Variants in ZNF8 observed in about 807,000 individuals in gnomAD.
ZNF8 encodes the protein zinc finger protein 272.
A neutral mutation model predicts 12.2 loss-of-function variants in ZNF8; 9 were observed. That is an observed-to-expected ratio of 0.73 (90% CI 0.44 to 1.28). ZNF8 has a LOEUF of 1.28. Among genes scored for constraint, ZNF8 ranks in the 50% most tolerant of loss-of-function variants. The pLI, the probability that ZNF8 is intolerant of heterozygous loss-of-function variation, is 0.00. For missense variants in ZNF8, 664 were observed against 729.1 expected (o/e 0.91, Z 1.03); for synonymous variants, 274 against 282.3 (o/e 0.97, Z 0.30).
At chr19:58,293,669 C>T (rs1207131244) in intron 3 of ZNF8, among the ~76,000 whole-genome samples, 5 of 152,166 alleles carry the variant, frequency 3.3e-5, no homozygotes, top group Admixed American at 2.6e-4. Context: ...TCTGAAGATG[C>T]TGTGCTCAGC....
intron 3 of ZNF8, among the ~76,000 whole-genome samples, chr19:58,290,627 G>T (rs1410120891): frequency 6.6e-6 from 1 of 152,152 alleles, no homozygotes; most frequent in African/African-American, 2.4e-5. Flanking sequence ...TGGCATGGTG[G>T]TGTGTTCTTG....
In ZNF8 at chr19:58,295,485, A is replaced by G; in HGVS notation, c.1677A>G (p.Glu559=). 2 of 1,611,534 alleles carry G rather than the reference A, an allele frequency of 1.2e-6. No individual in the cohort carries two copies. Among genetic ancestry groups the G allele is most frequent in the Non-Finnish European group, 1.7e-6 (2 of 1,178,796 alleles). The change falls in exon 4 of 4, where the codon GAA becomes GAG. Residue 559 remains glutamate (E), a synonymous_variant. Coordinates refer to ENST00000621650, the MANE Select transcript of ZNF8 (RefSeq NM_021089.3). The part of the protein sequence containing the change: ...EKNPVHVIGV[E]EPSVGASMLF... ...ACCCTGTGCACGTTATTGGGGTGGA[A>G]GAGCCTTCTGTGGGTGCTTCCATGT...
rs576638345 is a variant in ZNF8 at position 58,279,817 on chromosome 19, C to T, written c.66+670C>T. ...GCGGCCTGTGTTCTCCATAAAGCTG[C>T]CTCGCGTGGCAGGAAACAACAATAA... On this transcript the variant is annotated intron_variant, in intron 1 of 3. Transcript: ENST00000621650. 33 of 1,422,714 alleles carry T rather than the reference C, an allele frequency of 2.3e-5. No individual in the cohort carries two copies. In the East Asian group the frequency reaches 1.0e-3, roughly 44 times the overall value. The allele number at this position is 1,422,714 out of a possible 1,614,324, so 88.1% of individuals were successfully genotyped here.
chr19:58,290,270 C>G (rs1275517955), intron 3 of ZNF8, among the ~76,000 whole-genome samples: 1 of 149,820 alleles, frequency 6.7e-6, no homozygotes, highest in Non-Finnish European at 1.5e-5. Context: ...GCCACTGCAC[C>G]CGGCTAATTT....
At position 58,301,682 on chromosome 19, in the gene ZNF8, T is replaced by A. The variant is rs1284480276; in HGVS notation, c.*6146T>A. 6.6e-6 allele frequency: 1 copy of A among 152,274 alleles called. No individual in the cohort carries two copies. Among genetic ancestry groups the A allele is most frequent in the Non-Finnish European group, 1.5e-5 (1 of 68,122 alleles). The allele number at this position is 152,274 out of a possible 1,614,324, so 9.4% of individuals were successfully genotyped here. ...CAGTTGATACTTCTCTGAGGGGGCA[T>A]GGGGTTGGCTGAGGTTATAGCAGCC... On this transcript the variant is annotated 3_prime_UTR_variant, in exon 4 of 4. Transcript: ENST00000621650.
In ZNF8 at chr19:58,302,233, T is replaced by C. The variant is rs796137423; in HGVS notation, c.*6697T>C. ...TTAACTAGGGAAAAGACATGTTTTTTTCTGTTCATAAAAGTAATGCGAGTT... is the reference window on the plus strand; with the variant it reads ...TTAACTAGGGAAAAGACATGTTTTTCTCTGTTCATAAAAGTAATGCGAGTT... On this transcript the variant is annotated 3_prime_UTR_variant, in exon 4 of 4. Coordinates refer to ENST00000621650, the MANE Select transcript of ZNF8 (RefSeq NM_021089.3). The C allele has an allele frequency of 1.3e-5, 2 of 152,354 alleles. No homozygotes were observed. The highest frequency in any genetic ancestry group is 4.8e-5 in the African/African-American group (2 of 41,582). 9.4% of individuals were successfully genotyped at this position (152,354 alleles called of 1,614,324 possible).
In ZNF8 at chr19:58,295,252, C is replaced by A. The variant is rs767536958; in HGVS notation, c.1444C>A (p.Leu482Ile). The stretch of plus-strand genomic sequence containing the variant: ...GAAGTGTTTCATTCAGAGCTCTCAC[C>A]TCATCCGGCACCAGATAACTCACAC... The part of the protein sequence containing the change: ...CGKCFIQSSH[L>I]IRHQITHTRE... The change falls in exon 4 of 4, where the codon CTC (leucine) becomes ATC (isoleucine). Residue 482 changes from leucine to isoleucine, a missense_variant. Coordinates refer to ENST00000621650, the MANE Select transcript of ZNF8 (RefSeq NM_021089.3). 1.2e-6 allele frequency: 2 copies of A among 1,614,218 alleles called. No individual in the cohort carries two copies. Among genetic ancestry groups the A allele is most frequent in the East Asian group, 2.2e-5 (1 of 44,886 alleles).
intron 3 of ZNF8, among the ~76,000 whole-genome samples, chr19:58,288,278 AT>A (rs2051396996): frequency 6.6e-6 from 1 of 151,950 alleles, no homozygotes; most frequent in African/African-American, 2.4e-5. Flanking sequence ...ATAAAGAAGC[AT>A]TTTTCTTGTA....
rs149624044 is a variant in ZNF8, at chr19:58,288,882, A to C, written c.289+2677A>C. On this transcript the variant is annotated intron_variant, in intron 3 of 3. Coordinates refer to ENST00000621650, the MANE Select transcript of ZNF8 (RefSeq NM_021089.3). ...TCGGTTGTCACTGCTGTTACTTCAG[A>C]CATGTATGTCGGAAGCAAATTCTCA... Among the ~76,000 whole-genome samples the C allele has an allele frequency of 3.9e-3, 598 of 152,308 alleles. 2 individuals are homozygous for C. The highest frequency in any genetic ancestry group is 0.014 in the African/African-American group (577 of 41,554).
At chr19:58,284,171 C>T (rs890743238) in intron 1 of ZNF8, among the ~76,000 whole-genome samples, 3 of 151,904 alleles carry the variant, frequency 2.0e-5, no homozygotes, top group African/African-American at 7.3e-5. Flanking sequence ...TTGCAGTGAG[C>T]CAAGATTGTG....
chr19:58,294,495 T>TGAAAACAGTGAC lies in ZNF8; in HGVS notation c.688_699dup (p.Glu230_Asp233dup). On this transcript the variant is annotated inframe_insertion, in exon 4 of 4. Transcript: ENST00000621650. This position sits in a 1 kb window ranked among gnomAD's most constrained non-coding sequence, Gnocchi z 5.5. ...CAGGCTCCCCAGGAAAACAGCCCGG[T>TGAAAACAGTGAC]GAAAACAGTGACTGTCACAGAGATT... 2 of 1,614,132 alleles carry TGAAAACAGTGAC rather than the reference T, an allele frequency of 1.2e-6. No homozygotes were observed. The highest frequency in any genetic ancestry group is 1.7e-6 in the Non-Finnish European group (2 of 1,180,040).
At chr19:58,279,651 A>C (rs974293682) in intron 1 of ZNF8, 1 of 1,533,660 alleles carries the variant, frequency 6.5e-7, no homozygotes, top group African/African-American at 1.4e-5. Context: ...GGGGGCAATG[A>C]TGGGTCACCA....
intron 3 of ZNF8, among the ~76,000 whole-genome samples, chr19:58,292,447 A>G (rs963403751): frequency 1.3e-4 from 20 of 152,072 alleles, no homozygotes; most frequent in Admixed American, 8.5e-4. Context: ...AAGATCACTA[A>G]TCTCATTCTT....
In ZNF8 at chr19:58,283,768, T is replaced by G. The variant is rs141639024; in HGVS notation, c.67-1949T>G. Reference sequence around the variant, plus strand: ...ACGCCCACCACCACGCTCGGCTAATTTTTTGTATTTTTAGTAGAGACAGGG... The same window carrying G: ...ACGCCCACCACCACGCTCGGCTAATGTTTTGTATTTTTAGTAGAGACAGGG... On this transcript the variant is annotated intron_variant, in intron 1 of 3. Coordinates refer to ENST00000621650, the MANE Select transcript of ZNF8 (RefSeq NM_021089.3). Among the ~76,000 whole-genome samples, 307 of 151,658 alleles carry G rather than the reference T, an allele frequency of 2.0e-3. 2 individuals are homozygous for G. The highest frequency in any genetic ancestry group is 0.015 in the Admixed American group (230 of 15,224).
Position 58,295,635 on chromosome 19 carries a change from G to C in ZNF8, c.*99G>C, listed in dbSNP as rs2051449987. On this transcript the variant is annotated 3_prime_UTR_variant, in exon 4 of 4. Coordinates refer to ENST00000621650, the MANE Select transcript of ZNF8 (RefSeq NM_021089.3). ...GAGGGGCTGGGGGTAGAAATGTCAT[G>C]GGTGACTTCTGACTTTCTAAGGAAA... The C allele has an allele frequency of 9.3e-7, 1 of 1,070,276 alleles. No homozygotes were observed. Among genetic ancestry groups the C allele is most frequent in the Admixed American group, 2.4e-5 (1 of 42,168 alleles). 66.3% of individuals were successfully genotyped at this position (1,070,276 alleles called of 1,614,324 possible).
chr19:58,285,480 A>G (rs1394127134), intron 1 of ZNF8, among the ~76,000 whole-genome samples: 1 of 152,174 alleles, frequency 6.6e-6, no homozygotes, highest in East Asian at 1.9e-4. Context: ...TGTTAGATGT[A>G]GGTCAGCTCT....
rs951979790 is a variant in ZNF8 at position 58,298,602 on chromosome 19, G to A, written c.*3066G>A. On this transcript the variant is annotated 3_prime_UTR_variant, in exon 4 of 4. Coordinates refer to ENST00000621650, the MANE Select transcript of ZNF8 (RefSeq NM_021089.3). ...AGTCTCCCAAAATGCTGGCATTACA[G>A]GCATGAGCCACCGTGCCTGGCCTAC... The A allele has an allele frequency of 6.6e-6, 1 of 152,178 alleles. No homozygotes were observed. Among genetic ancestry groups the A allele is most frequent in the African/African-American group, 2.4e-5 (1 of 41,434 alleles). The allele number at this position is 152,178 out of a possible 1,614,324, so 9.4% of individuals were successfully genotyped here. A position where few individuals can be genotyped will look rare whatever the true frequency, so the allele number is the denominator to read the frequency against.
chr19:58,280,401 G>A (rs1359594871), intron 1 of ZNF8: 1 of 154,572 alleles, frequency 6.5e-6, no homozygotes, highest in East Asian at 1.9e-4. Context: ...TCCAGGAGAG[G>A]GCAAGGTAGA....
intron 1 of ZNF8, 139 bp from the exon 2 acceptor site, chr19:58,285,578 T>G: frequency 8.1e-7 from 1 of 1,240,336 alleles, no homozygotes; most frequent in Non-Finnish European, 1.2e-6. Context: ...AGGTGCCCAG[T>G]GAGACCTGAC....
Sources: allele counts gnomAD v4.1 joint callset (sites outside exome capture counted in the v4.1 genomes callset), GRCh38; gene constraint gnomAD v4.1.1; non-coding constraint Gnocchi (gnomAD v3.1); transcripts MANE v1.5; gene names NCBI Gene and HGNC (gene_info 2026-07-23, HGNC 2026-07-21).